EGFR: variants seen among roughly 807,000 people sequenced by gnomAD.
EGFR encodes epidermal growth factor receptor, also known as avian erythroblastic leukemia viral (v-erb-b) oncogene homolog.
In EGFR, 58 loss-of-function variants were observed where a neutral mutation model predicts 143.0. The observed-to-expected ratio is 0.41, with a 90% CI of 0.33 to 0.50. The LOEUF is 0.50. Among genes scored for constraint, EGFR ranks in the 20% least tolerant of loss-of-function variants. EGFR has a pLI of 0.39. For synonymous variants in EGFR, 613 were observed against 594.4 expected (o/e 1.03, Z -0.45); for missense variants, 1,307 against 1,579.0 (o/e 0.83, Z 2.92).
At chr7:55,046,827 A>C (rs767458275) in intron 1 of EGFR, among the ~76,000 whole-genome samples, 1 of 152,192 alleles carries the variant, frequency 6.6e-6, no homozygotes, top group Non-Finnish European at 1.5e-5. Flanking sequence ...TTAGATTTCC[A>C]CATGAGTTTT....
chr7:55,181,561 GTT>G lies in EGFR; in HGVS notation c.2469+85_2469+86del, dbSNP rs1319068825. ...GGTCTGCGCTCCTGGGATAGCAAGA[GTT>G]TGCCATGGGGATATGTGTGTGCGTG... On this transcript the variant is annotated intron_variant, in intron 20 of 27. Transcript: ENST00000275493. 42 of 1,549,610 alleles carry G rather than the reference GTT, an allele frequency of 2.7e-5. No individual in the cohort carries two copies. The South Asian group carries it at 4.3e-4, about 16-fold the overall frequency.
intron 7 of EGFR, 38 bp downstream of exon 7, chr7:55,154,190 A>G (rs1452533405): frequency 1.2e-6 from 2 of 1,614,094 alleles, no homozygotes; most frequent in South Asian, 1.1e-5. Flanking sequence ...CTGGTCAGGC[A>G]TCCTTGTCCC....
At chr7:55,065,511 C>T (rs182428065) in intron 1 of EGFR, among the ~76,000 whole-genome samples, 9 of 152,238 alleles carry the variant, frequency 5.9e-5, no homozygotes, top group Non-Finnish European at 1.2e-4. Context: ...AAAGCAAGAG[C>T]TGGAAAGTCA....
intron 24 of EGFR, 83 bp from the exon 25 acceptor site, chr7:55,201,105 G>A (rs1314666476): frequency 6.3e-7 from 1 of 1,576,376 alleles, no homozygotes; most frequent in African/African-American, 1.3e-5. Flanking sequence ...GCACCTGCTG[G>A]CAATAGACCC....
intron 1 of EGFR, among the ~76,000 whole-genome samples, chr7:55,115,451 A>G (rs184083671): frequency 6.6e-6 from 1 of 152,344 alleles, no homozygotes; most frequent in Non-Finnish European, 1.5e-5. Context: ...GTTTTAACAT[A>G]TATTTATTGT....
intron 1 of EGFR, among the ~76,000 whole-genome samples, chr7:55,051,555 A>T (rs1418407423): frequency 6.6e-6 from 1 of 152,128 alleles, no homozygotes; most frequent in Non-Finnish European, 1.5e-5. Context: ...ATGCCCTGGG[A>T]CTTTCCAGCC....
chr7:55,067,121 G>A lies in EGFR; in HGVS notation c.88+47756G>A, dbSNP rs138293885. On this transcript the variant is annotated intron_variant, in intron 1 of 27. Coordinates refer to ENST00000275493, the MANE Select transcript of EGFR (RefSeq NM_005228.5). ...ACTGCTGTCAGGGTGAGGGAGGTAG[G>A]GCGCAGTTTCAGAAAACCATTGGGC... is the stretch of plus-strand genomic sequence containing the variant. Among the ~76,000 whole-genome samples, 143 of 152,300 alleles carry A rather than the reference G, an allele frequency of 9.4e-4. 1 individual carries two copies. Among genetic ancestry groups the A allele is most frequent in the African/African-American group, 3.2e-3 (133 of 41,542 alleles).
At chr7:55,079,103 G>A (rs1790307718) in intron 1 of EGFR, among the ~76,000 whole-genome samples, 2 of 152,198 alleles carry the variant, frequency 1.3e-5, no homozygotes, top group Admixed American at 6.5e-5. Context: ...GGCTCGAGCT[G>A]CGAGGCCCTG....
At chr7:55,122,234 G>A (rs757012899) in intron 1 of EGFR, among the ~76,000 whole-genome samples, 9 of 152,114 alleles carry the variant, frequency 5.9e-5, no homozygotes, top group South Asian at 2.1e-4. Flanking sequence ...GTCCTCCGTC[G>A]ACCTTGGCCT....
In EGFR at chr7:55,146,497, GCACC is replaced by G. The variant is rs1794767921; in HGVS notation, c.425-108_425-105del. ...TGGGCTAATTGCGGGACTCTTGTTC[GCACC>G]ATGGCATCTCTTTAGCAGAACATAA... On this transcript the variant is annotated intron_variant, in intron 3 of 27. Coordinates refer to ENST00000275493, the MANE Select transcript of EGFR (RefSeq NM_005228.5). The G allele has an allele frequency of 2.7e-5, 41 of 1,546,542 alleles. No individual in the cohort carries two copies. In the South Asian group the frequency reaches 3.8e-4, roughly 14 times the overall value.
chr7:55,154,273 G>A (rs1267682651), intron 7 of EGFR, 121 bp downstream of exon 7: 6 of 1,485,502 alleles, frequency 4.0e-6, no homozygotes, highest in African/African-American at 2.8e-5. Context: ...GCCTTGCTTG[G>A]AGGAGGCGAC....
rs1788163850 is a variant in EGFR at position 55,208,534 on chromosome 7, T to G, written c.*2917T>G. 1 of 152,250 alleles carries G rather than the reference T, an allele frequency of 6.6e-6. No individual in the cohort carries two copies. Among genetic ancestry groups the G allele is most frequent in the African/African-American group, 2.4e-5 (1 of 41,446 alleles). The allele number at this position is 152,250 out of a possible 1,614,324, so 9.4% of individuals were successfully genotyped here. ...TCACATTCATAGGTGCCGCCAGCCT[T>G]CGTGCATCTTCTTGCATCATCTCTA... On this transcript the variant is annotated 3_prime_UTR_variant, in exon 28 of 28. Transcript: ENST00000275493.
intron 1 of EGFR, among the ~76,000 whole-genome samples, chr7:55,082,985 G>A (rs564824632): frequency 6.6e-6 from 1 of 152,324 alleles, no homozygotes; most frequent in East Asian, 1.9e-4. Flanking sequence ...TCTCCTGCAT[G>A]TCTGTCTCTG....
At chr7:55,024,161 T>C (rs1049126116) in intron 1 of EGFR, among the ~76,000 whole-genome samples, 8 of 152,220 alleles carry the variant, frequency 5.3e-5, no homozygotes, top group African/African-American at 7.2e-5. Flanking sequence ...GGAGGGGTAG[T>C]TGGGGCCAGG....
chr7:55,181,229 T>C (rs2128958058), intron 19 of EGFR, 64 bp from the exon 20 acceptor site: 1 of 1,567,982 alleles, frequency 6.4e-7, no homozygotes, highest in Non-Finnish European at 8.8e-7. Context: ...CTGGAAGGGG[T>C]CCATGTGCCC....
chr7:55,083,436 G>A (rs545800127), intron 1 of EGFR, among the ~76,000 whole-genome samples: 67 of 152,210 alleles, frequency 4.4e-4, no homozygotes, highest in Non-Finnish European at 8.4e-4. Flanking sequence ...ATCCAGGACT[G>A]TAACAGACGC....
chr7:55,040,554 T>C (rs902539877), intron 1 of EGFR, among the ~76,000 whole-genome samples: 2 of 152,230 alleles, frequency 1.3e-5, no homozygotes, highest in Admixed American at 6.5e-5. Flanking sequence ...CAAAGTAATA[T>C]TTTAAAGTGC....
intron 1 of EGFR, among the ~76,000 whole-genome samples, chr7:55,039,464 G>A (rs1318816694): frequency 1.3e-5 from 2 of 152,150 alleles, no homozygotes; most frequent in Non-Finnish European, 2.9e-5. Flanking sequence ...TGCTGCTCAA[G>A]ACTGGCAGAG....
At chr7:55,069,274 A>C (rs1040287956) in intron 1 of EGFR, among the ~76,000 whole-genome samples, 2 of 152,212 alleles carry the variant, frequency 1.3e-5, no homozygotes, top group Non-Finnish European at 2.9e-5. Flanking sequence ...CTTGAGTGCC[A>C]AACAGCCTGT....
Sources: allele counts gnomAD v4.1 joint callset (sites outside exome capture counted in the v4.1 genomes callset), GRCh38; gene constraint gnomAD v4.1.1; transcripts MANE v1.5; gene names NCBI Gene and HGNC (gene_info 2026-07-23, HGNC 2026-07-21).